HK1: variants seen among roughly 807,000 people sequenced by gnomAD.
The protein encoded by HK1 is hexokinase 1.
HK1 carries 28 observed loss-of-function variants against 91.6 expected under a neutral mutation model. The observed-to-expected ratio is 0.31, with a 90% CI of 0.23 to 0.42. HK1 has a LOEUF of 0.42. Among genes scored for constraint, HK1 ranks in the 10% least tolerant of loss-of-function variants. The pLI is 1.00. For missense variants in HK1, 770 were observed against 1,219.8 expected, an observed-to-expected ratio of 0.63 and a Z score of 5.49; for synonymous variants, 430 against 468.1, an observed-to-expected ratio of 0.92 and a Z score of 1.05.
chr10:69,384,767 C>T (rs534557144), intron 11 of HK1, 29 bp from the exon 12 acceptor site: 9 of 1,614,078 alleles, frequency 5.6e-6, no homozygotes, highest in South Asian at 5.5e-5. Context: ...CCACAGAGAG[C>T]ACGGGCGATC....
chr10:69,309,793 T>C (rs760789062), intron 5 of HK1, among the ~76,000 whole-genome samples: 14 of 150,430 alleles, frequency 9.3e-5, no homozygotes, highest in Non-Finnish European at 1.6e-4. Flanking sequence ...ACTCCTGTAA[T>C]CCTAGCACTT....
At chr10:69,362,801 G>T (rs1243712270) in intron 3 of HK1, among the ~76,000 whole-genome samples, 1 of 152,218 alleles carries the variant, frequency 6.6e-6, no homozygotes, top group Non-Finnish European at 1.5e-5. Flanking sequence ...TTAGTAATGA[G>T]TTTATATCAG....
intron 1 of HK1, among the ~76,000 whole-genome samples, chr10:69,280,252 C>T (rs1350644532): frequency 6.6e-6 from 1 of 152,140 alleles, no homozygotes; most frequent in Non-Finnish European, 1.5e-5. Flanking sequence ...GCTGGGACTA[C>T]AGGTGCCTGC....
upstream of HK1, among the ~76,000 whole-genome samples, chr10:69,318,587 G>T (rs140467647): frequency 6.6e-6 from 1 of 152,206 alleles, no homozygotes; most frequent in Non-Finnish European, 1.5e-5. Flanking sequence ...TGGGGGACGT[G>T]CAGGATGATG....
intron 5 of HK1, among the ~76,000 whole-genome samples, chr10:69,306,158 T>C (rs149042920): frequency 0.013 from 1,936 of 151,832 alleles, 28 homozygotes; most frequent in African/African-American, 0.04. Context: ...AGATTGAGAC[T>C]ATCCTGGCTA....
intron 3 of HK1, among the ~76,000 whole-genome samples, chr10:69,363,963 G>A (rs907233144): frequency 6.6e-6 from 1 of 152,220 alleles, no homozygotes; most frequent in South Asian, 2.1e-4. Flanking sequence ...AGACAACTCC[G>A]TGGATGACTG....
At chr10:69,368,967 G>T (rs781672731) in intron 5 of HK1, among the ~76,000 whole-genome samples, 2 of 152,238 alleles carry the variant, frequency 1.3e-5, no homozygotes, top group African/African-American at 2.4e-5. Flanking sequence ...TGGACCTCCT[G>T]TGGAGGTTTG....
At chr10:69,285,403 G>A (rs1047895539) in intron 2 of HK1, among the ~76,000 whole-genome samples, 1 of 152,050 alleles carries the variant, frequency 6.6e-6, no homozygotes, top group East Asian at 2.0e-4. Flanking sequence ...CAGCCTGGGC[G>A]ACAGAGAGAG....
In HK1 at chr10:69,292,932, T is replaced by C. The variant is rs1408337616; in HGVS notation, c.-114-2701T>C. ...TTGTCTCTAGCAGCCCTGAGATTGG[T>C]TGGGACCAGGACCCACCCTATCCCC... On this transcript the variant is annotated intron_variant, in intron 3 of 21. Transcript: ENST00000360289. Among the ~76,000 whole-genome samples the C allele has an allele frequency of 2.6e-5, 4 of 152,240 alleles. No homozygotes were observed. In the East Asian group the frequency reaches 7.7e-4, roughly 29 times the overall value.
Position 69,384,865 on chromosome 10 carries a change from C to G in HK1, c.1789C>G (p.Pro597Ala). Residue 597 changes from proline (P) to alanine (A), a missense_variant, in exon 12 of 18, where the codon CCT (proline) becomes GCT (alanine). Physicochemically the swap from Pro to Ala is conservative, Grantham distance 27. Coordinates refer to ENST00000359426, the MANE Select transcript of HK1 (RefSeq NM_000188.3). Reference protein sequence around the residue: ...DYMGIKGPRMPLGFTFSFPCQ... With the variant: ...DYMGIKGPRMALGFTFSFPCQ... ...CATGGGGATCAAAGGCCCCAGGATG[C>G]CTCTGGGCTTCACGTTCTCATTTCC... The G allele has an allele frequency of 6.2e-7, 1 of 1,614,084 alleles. No individual in the cohort carries two copies. The highest frequency in any genetic ancestry group is 8.5e-7 in the Non-Finnish European group (1 of 1,179,928).
At chr10:69,359,422 C>G (rs1033939035) in intron 2 of HK1, among the ~76,000 whole-genome samples, 8 of 152,064 alleles carry the variant, frequency 5.3e-5, no homozygotes, top group African/African-American at 1.9e-4. Flanking sequence ...AAAACACAAC[C>G]CTGAGGAGTA....
At chr10:69,360,523 G>GCTT (rs778594617) in intron 3 of HK1, among the ~76,000 whole-genome samples, 6 of 152,224 alleles carry the variant, frequency 3.9e-5, no homozygotes, top group Non-Finnish European at 8.8e-5. Flanking sequence ...CTATTTGGGG[G>GCTT]CTTCTTGTTA....
At chr10:69,368,434 CT>C in intron 4 of HK1, 101 bp from the exon 5 acceptor site, 1 of 1,008,580 alleles carries the variant, frequency 9.9e-7, no homozygotes, top group Non-Finnish European at 1.6e-6. Flanking sequence ...CACTTGGCCC[CT>C]ATGGGCTTCT....
At chr10:69,326,067 C>T (rs908153469) in intron 1 of HK1, among the ~76,000 whole-genome samples, 1 of 151,376 alleles carries the variant, frequency 6.6e-6, no homozygotes, top group African/African-American at 2.4e-5. Flanking sequence ...AATTCCTGAC[C>T]TCGTGATTCA....
upstream of HK1, among the ~76,000 whole-genome samples, chr10:69,312,976 G>C (rs1846447554): frequency 6.6e-6 from 1 of 152,194 alleles, no homozygotes; most frequent in South Asian, 2.1e-4. Flanking sequence ...GTCCTGAAAG[G>C]TCAGGGCCTC....
At chr10:69,338,727 ATGTG>A in intron 1 of HK1, 1 of 1,253,866 alleles carries the variant, frequency 8.0e-7, no homozygotes, top group Non-Finnish European at 1.0e-6. Context: ...TTGTGTGTGT[ATGTG>A]TGAGTGTGTG....
chr10:69,279,666 T>C (rs954274559), intron 1 of HK1, among the ~76,000 whole-genome samples: 6 of 152,208 alleles, frequency 3.9e-5, no homozygotes, highest in Non-Finnish European at 8.8e-5. Flanking sequence ...AGTTTAAATA[T>C]GTAGTCCAAA....
intron 1 of HK1, among the ~76,000 whole-genome samples, chr10:69,327,818 G>A (rs1847470435): frequency 6.6e-6 from 1 of 152,216 alleles, no homozygotes; most frequent in Non-Finnish European, 1.5e-5. Context: ...TATTCGAGCT[G>A]TGTTTAAAAT....
intron 5 of HK1, 44 bp downstream of exon 5, chr10:69,368,675 G>A: frequency 6.7e-7 from 1 of 1,481,902 alleles, no homozygotes. Flanking sequence ...CAGGGGTGTG[G>A]GGAGCAGGGC....
Sources: allele counts gnomAD v4.1 joint callset (sites outside exome capture counted in the v4.1 genomes callset), GRCh38; gene constraint gnomAD v4.1.1; transcripts MANE v1.5; gene names NCBI Gene and HGNC (gene_info 2026-07-23, HGNC 2026-07-21).